BRCA1: variants seen among roughly 807,000 people sequenced by gnomAD.
The protein encoded by BRCA1 is BRCA1 DNA repair associated, also known as breast cancer type 1 susceptibility protein.
BRCA1 carries 140 observed loss-of-function variants against 173.7 expected under a neutral mutation model. The ratio of observed to expected loss-of-function variants is 0.81; its 90% CI spans 0.70 to 0.93. The LOEUF (loss-of-function observed/expected upper bound fraction) is 0.93. BRCA1 is among the 40% of genes least tolerant of loss of function. The pLI, the probability that BRCA1 is intolerant of heterozygous loss-of-function variation, is 0.00. For synonymous variants in BRCA1, 662 were observed against 756.0 expected (o/e 0.88, Z 2.04); for missense variants, 1,983 against 2,172.5 (o/e 0.91, Z 1.73).
rs80357182 is a variant in BRCA1, at chr17:43,093,408, G to T, written c.2123C>A (p.Ser708Tyr). The stretch of plus-strand genomic sequence containing the variant: ...ACTGGTATTTGAACACTTAGTAAAA[G>T]AACCAGGTGCATTTGTTAACTTCAG... ...PELKLTNAPG[S>Y]FTKCSNTSEL... Residue 708 changes from serine to tyrosine, a missense_variant, in exon 10 of 23, where the codon TCT becomes TAT. Transcript: ENST00000357654. 3.8e-5 allele frequency: 61 copies of T among 1,613,916 alleles called. No individual in the cohort carries two copies. The South Asian group carries it at 4.0e-4, about 10-fold the overall frequency.
At chr17:43,105,537 T>C (rs932451321) in intron 4 of BRCA1, among the ~76,000 whole-genome samples, 2 of 152,172 alleles carry the variant, frequency 1.3e-5, no homozygotes, top group Admixed American at 6.5e-5. Context: ...AATCACACCC[T>C]GCTGAGCTTA....
intron 1 of BRCA1, chr17:43,160,144 C>T (rs1360237407): frequency 6.6e-6 from 1 of 151,864 alleles, no homozygotes; most frequent in African/African-American, 2.4e-5. Context: ...CAGGCTCACA[C>T]CATTCTCCTG....
chr17:43,077,487 C>T (rs766089932), intron 12 of BRCA1, among the ~76,000 whole-genome samples: 7 of 152,032 alleles, frequency 4.6e-5, no homozygotes, highest in East Asian at 1.9e-4. Flanking sequence ...CCTGCCACCA[C>T]GCCCAGCTAG....
At chr17:43,080,486 C>T (rs1294834383) in intron 12 of BRCA1, among the ~76,000 whole-genome samples, 8 of 151,790 alleles carry the variant, frequency 5.3e-5, no homozygotes, top group East Asian at 3.9e-4. Context: ...CGTGAGCCAC[C>T]GTACCCGGCA....
chr17:43,047,653 A>G lies in BRCA1; in HGVS notation c.5457T>C (p.Asn1819=), dbSNP rs1597799334. ...VVQPDAWTED[N]GFHAIGQMCE... is the part of the protein sequence containing the mutation. Reference sequence around the variant, plus strand: ...ATGCAGGCACCTTACCATGGAAGCCATTGTCCTCTGTCCAGGCATCTGGCT... The same window carrying G: ...ATGCAGGCACCTTACCATGGAAGCCGTTGTCCTCTGTCCAGGCATCTGGCT... Residue 1819 remains asparagine, a synonymous_variant, in exon 22 of 23, where the codon AAT becomes AAC. Transcript: ENST00000357654. The G allele has an allele frequency of 6.2e-7, 1 of 1,614,180 alleles. No homozygotes were observed.
At chr17:43,061,733 C>A (rs1220510776) in intron 18 of BRCA1, among the ~76,000 whole-genome samples, 1 of 152,026 alleles carries the variant, frequency 6.6e-6, no homozygotes, top group Non-Finnish European at 1.5e-5. Context: ...CAGGCACATG[C>A]CACCACGCTC....
chr17:43,156,859 AG>A (rs1412784107), intron 1 of BRCA1, among the ~76,000 whole-genome samples: 7 of 152,386 alleles, frequency 4.6e-5, no homozygotes, highest in Admixed American at 2.6e-4. Flanking sequence ...TGAATGTTGA[AG>A]GAAGACTGTG....
intron 1 of BRCA1, among the ~76,000 whole-genome samples, chr17:43,143,940 G>A (rs770076084): frequency 6.6e-5 from 10 of 152,158 alleles, no homozygotes; most frequent in Non-Finnish European, 7.3e-5. Flanking sequence ...AAAAAACCAG[G>A]CCGGGTGCGG....
chr17:43,085,510 C>T (rs2053195196), intron 11 of BRCA1, among the ~76,000 whole-genome samples: 1 of 152,200 alleles, frequency 6.6e-6, no homozygotes, highest in Admixed American at 6.6e-5. Context: ...GGTATTATCT[C>T]TCATTTCTCC....
chr17:43,063,796 T>C, intron 17 of BRCA1, 78 bp downstream of exon 17: 1 of 1,186,816 alleles, frequency 8.4e-7, no homozygotes, highest in Non-Finnish European at 1.3e-6. Flanking sequence ...AGCAAAAACC[T>C]TAGGTGTTAA....
chr17:43,085,234 T>TAAAGA (rs34193078), intron 11 of BRCA1, among the ~76,000 whole-genome samples: 1 of 152,046 alleles, frequency 6.6e-6, no homozygotes, highest in Non-Finnish European at 1.5e-5. Context: ...TAGTGCTCCA[T>TAAAGA]CCTGGCCATC....
At chr17:43,147,008 C>CT (rs369094009) in intron 1 of BRCA1, among the ~76,000 whole-genome samples, 85 of 144,810 alleles carry the variant, frequency 5.9e-4, no homozygotes, top group Middle Eastern at 3.6e-3. Context: ...AGCCTCATGG[C>CT]TTTTTTTTTT....
intron 19 of BRCA1, among the ~76,000 whole-genome samples, 159 bp downstream of exon 19, chr17:43,056,893 T>C (rs2051485448): frequency 6.6e-6 from 1 of 152,138 alleles, no homozygotes; most frequent in African/African-American, 2.4e-5. Context: ...ATTTATGTGG[T>C]TGGGATGGAA....
chr17:43,100,632 TTATATATATA>T (rs1325492180), intron 6 of BRCA1, among the ~76,000 whole-genome samples: 1 of 43,210 alleles, frequency 2.3e-5, no homozygotes, highest in Non-Finnish European at 3.4e-5. Context: ...TATATATATG[TTATATATATA>T]TAACATATAT....
At chr17:43,069,072 G>A (rs1388529266) in intron 15 of BRCA1, among the ~76,000 whole-genome samples, 1 of 152,198 alleles carries the variant, frequency 6.6e-6, no homozygotes, top group African/African-American at 2.4e-5. Flanking sequence ...ATACTGCCAT[G>A]AAGGTCAGGC....
intron 1 of BRCA1, among the ~76,000 whole-genome samples, chr17:43,149,200 G>T (rs567578718): frequency 1.5e-3 from 223 of 150,782 alleles, no homozygotes; most frequent in African/African-American, 4.8e-3. Context: ...CTAGGTTCAT[G>T]CCATTCTCCT....
intron 19 of BRCA1, among the ~76,000 whole-genome samples, chr17:43,056,546 T>C (rs2051465124): frequency 6.6e-6 from 1 of 151,918 alleles, no homozygotes; most frequent in Non-Finnish European, 1.5e-5. Context: ...TCCCAGCACT[T>C]GGGGAGGCCA....
intron 1 of BRCA1, among the ~76,000 whole-genome samples, chr17:43,157,427 C>CGGA (rs1477659884): frequency 6.6e-6 from 1 of 152,202 alleles, no homozygotes; most frequent in African/African-American, 2.4e-5. Flanking sequence ...AGGCCTGGCG[C>CGGA]GGAGGCTCAC....
chr17:43,086,358 T>A (rs2053231100), intron 11 of BRCA1, among the ~76,000 whole-genome samples: 1 of 152,104 alleles, frequency 6.6e-6, no homozygotes, highest in Admixed American at 6.6e-5. Flanking sequence ...TAAATAAGTA[T>A]AGTTAATCAG....
Sources: gnomAD v4.1 joint callset for allele counts (sites outside exome capture counted in the v4.1 genomes callset) on GRCh38, gnomAD v4.1.1 for gene constraint, MANE v1.5 for transcripts, NCBI Gene and HGNC (gene_info 2026-07-23, HGNC 2026-07-21) for gene names.